IRAK3: variants seen among roughly 807,000 people sequenced by gnomAD.
The protein encoded by IRAK3 is interleukin 1 receptor associated kinase 3.
Under a neutral mutation model 56.6 loss-of-function variants are expected in IRAK3, and 57 were observed. The observed-to-expected ratio is 1.01, with a 90% CI of 0.81 to 1.26. The LOEUF (loss-of-function observed/expected upper bound fraction) is 1.26, where lower values mean the gene tolerates loss of function less well. Ranked by LOEUF, IRAK3 falls within the 50% of genes most tolerant of loss-of-function variation. The probability of loss-of-function intolerance (pLI) is 0.00; values close to 1 mark genes in which losing one functional copy is unlikely to be tolerated. For synonymous variants in IRAK3, 258 were observed against 255.7 expected, an observed-to-expected ratio of 1.01 and a Z score of -0.09; for missense variants, 703 against 719.0, an observed-to-expected ratio of 0.98 and a Z score of 0.25.
At position 66,234,489 on chromosome 12, in the gene IRAK3, C is replaced by T. The variant is rs1027104760; in HGVS notation, c.887+6119C>T. ...ATACTGTATGGTGAAGGATAAAATC[C>T]GTTTTGTATAGCAGCTGTAGTTGGG... is the stretch of plus-strand genomic sequence containing the variant. On this transcript the variant is annotated intron_variant, in intron 8 of 11. Coordinates refer to ENST00000261233, the MANE Select transcript of IRAK3 (RefSeq NM_007199.3). The T allele has an allele frequency of 1.9e-6, 3 of 1,611,568 alleles. No individual in the cohort carries two copies. The African/African-American group carries it at 4.0e-5, about 22-fold the overall frequency.
At position 66,226,523 on chromosome 12, in the gene IRAK3, T is replaced by C. The variant is rs563763338; in HGVS notation, c.654-200T>C. 2.0e-5 allele frequency among the ~76,000 whole-genome samples: 3 copies of C among 152,324 alleles called. No homozygotes were observed. In the South Asian group the frequency reaches 6.2e-4, roughly 32 times the overall value. On this transcript the variant is annotated intron_variant, in intron 6 of 11. Coordinates refer to ENST00000261233, the MANE Select transcript of IRAK3 (RefSeq NM_007199.3). ...TCCCACATTGCTGGGATTACAGGTT[T>C]GAGCCACTGCACCTGGCCGTTAGAA...
At chr12:66,233,659 G>GA (rs369258623) in intron 8 of IRAK3, among the ~76,000 whole-genome samples, 1,960 of 147,062 alleles carry the variant, frequency 0.013, 24 homozygotes, top group African/African-American at 0.041. Context: ...CATACAGCTG[G>GA]AAAAAAAAAA....
intron 8 of IRAK3, among the ~76,000 whole-genome samples, chr12:66,243,172 G>A (rs1392937690): frequency 6.6e-6 from 1 of 151,926 alleles, no homozygotes; most frequent in Non-Finnish European, 1.5e-5. Flanking sequence ...TTCATACATT[G>A]AACTGTTTCC....
At chr12:66,209,048 G>C (rs1457014481) in intron 2 of IRAK3, among the ~76,000 whole-genome samples, 1 of 149,580 alleles carries the variant, frequency 6.7e-6, no homozygotes, top group East Asian at 1.9e-4. Context: ...ACTACAGCCT[G>C]GGCGAGAGTG....
At position 66,250,414 on chromosome 12, in the gene IRAK3, A is replaced by C. The variant is rs535750518; in HGVS notation, c.*2243A>C. On this transcript the variant is annotated 3_prime_UTR_variant, in exon 12 of 12. Transcript: ENST00000261233. The stretch of plus-strand genomic sequence containing the variant: ...AGGGTGAGATTAACAGACCAAGGTC[A>C]GAAACATGGAGTTACAATTTTCCAA... 1 of 152,380 alleles carries C rather than the reference A, an allele frequency of 6.6e-6. No homozygotes were observed. Among genetic ancestry groups the C allele is most frequent in the South Asian group, 2.1e-4 (1 of 4,832 alleles). The allele number at this position is 152,380 out of a possible 1,614,324, so 9.4% of individuals were successfully genotyped here.
chr12:66,241,266 A>G (rs541914694), intron 8 of IRAK3, among the ~76,000 whole-genome samples: 1 of 152,316 alleles, frequency 6.6e-6, no homozygotes, highest in South Asian at 2.1e-4. Flanking sequence ...GCCTTGTGAT[A>G]AAGAGTAGAA....
intron 1 of IRAK3, among the ~76,000 whole-genome samples, chr12:66,203,077 G>A (rs2052524773): frequency 6.6e-6 from 1 of 152,084 alleles, no homozygotes; most frequent in Admixed American, 6.6e-5. Flanking sequence ...AGCAAATATT[G>A]TAGTAATAAT....
At position 66,228,180 on chromosome 12, in the gene IRAK3, G is replaced by A. The variant is rs548952710; in HGVS notation, c.769-72G>A. On this transcript the variant is annotated intron_variant, in intron 7 of 11. Coordinates refer to ENST00000261233, the MANE Select transcript of IRAK3 (RefSeq NM_007199.3). ...GCTATCTACTTCTATTCTGGTGTATGTCTGCATAATGAATACATAGGTAGT... is the reference window on the plus strand; with the variant it reads ...GCTATCTACTTCTATTCTGGTGTATATCTGCATAATGAATACATAGGTAGT... 1.1e-5 allele frequency: 12 copies of A among 1,045,318 alleles called. No individual in the cohort carries two copies. In the African/African-American group the frequency reaches 1.7e-4, roughly 15 times the overall value. The allele number at this position is 1,045,318 out of a possible 1,614,324, so 64.8% of individuals were successfully genotyped here. A position where few individuals can be genotyped will look rare whatever the true frequency, so the allele number is the denominator to read the frequency against.
intron 8 of IRAK3, among the ~76,000 whole-genome samples, chr12:66,236,257 T>C (rs1435616881): frequency 1.3e-5 from 2 of 151,836 alleles, no homozygotes; most frequent in Non-Finnish European, 2.9e-5. Flanking sequence ...CCACCAGAAA[T>C]CTGGGTTCAG....
At chr12:66,204,780 A>G (rs73125367) in intron 2 of IRAK3, among the ~76,000 whole-genome samples, 8,623 of 39,356 alleles carry the variant, frequency 0.22, 571 homozygotes, top group African/African-American at 0.5. Flanking sequence ...GCCCTTGCGC[A>G]CACACACACA....
At chr12:66,221,106 A>G (rs2052728883) in intron 6 of IRAK3, among the ~76,000 whole-genome samples, 1 of 152,086 alleles carries the variant, frequency 6.6e-6, no homozygotes, top group Admixed American at 6.5e-5. Flanking sequence ...ATTTATTCCT[A>G]AGTGTTTTAT....
intron 1 of IRAK3, among the ~76,000 whole-genome samples, chr12:66,191,098 CAG>C (rs771824906): frequency 4.1e-4 from 63 of 152,114 alleles, no homozygotes; most frequent in Non-Finnish European, 7.5e-4. Context: ...CAAAAGCAGA[CAG>C]AGGATGGAGG....
Position 66,247,755 on chromosome 12 carries a change from T to A in IRAK3, c.1375T>A (p.Ser459Thr). The part of the protein sequence containing the change: ...SLYFAEDPPT[S>T]LKSFRCPSPL... ...GTATTTTGCTGAAGATCCTCCCACATCACTAAAGTCCTTCAGGTGTCCTTC... is the reference window on the plus strand; with the variant it reads ...GTATTTTGCTGAAGATCCTCCCACAACACTAAAGTCCTTCAGGTGTCCTTC... Residue 459 changes from serine to threonine, a missense_variant, in exon 12 of 12, where the codon TCA becomes ACA. By Grantham distance (58) the Ser-to-Thr change is moderately conservative. Coordinates refer to ENST00000261233, the MANE Select transcript of IRAK3 (RefSeq NM_007199.3). 1 of 1,614,198 alleles carries A rather than the reference T, an allele frequency of 6.2e-7. No homozygotes were observed. The highest frequency in any genetic ancestry group is 8.5e-7 in the Non-Finnish European group (1 of 1,180,006).
chr12:66,229,666 A>G (rs1036446380), intron 8 of IRAK3, among the ~76,000 whole-genome samples: 2 of 152,062 alleles, frequency 1.3e-5, no homozygotes, highest in African/African-American at 4.8e-5. Context: ...ATTAATGCAC[A>G]CTCATGGGAC....
Position 66,244,677 on chromosome 12 carries a change from T to G in IRAK3, c.1079T>G (p.Phe360Cys), listed in dbSNP as rs752218731. Residue 360 changes from phenylalanine (F) to cysteine (C), a missense_variant, in exon 9 of 12, where the codon TTT becomes TGT. Coordinates refer to ENST00000261233, the MANE Select transcript of IRAK3 (RefSeq NM_007199.3). ...TCCATTAAAACAGATGTCTACAGCT[T>G]TGGAATTGTGAGTACCAACTGCCAG... ...KLSIKTDVYS[F>C]GIVIMEVLTG... The G allele has an allele frequency of 1.2e-6, 2 of 1,613,100 alleles. No homozygotes were observed. The highest frequency in any genetic ancestry group is 1.7e-6 in the Non-Finnish European group (2 of 1,179,052).
At chr12:66,217,816 A>AT (rs922335803) in intron 6 of IRAK3, among the ~76,000 whole-genome samples, 10 of 151,658 alleles carry the variant, frequency 6.6e-5, no homozygotes, top group Admixed American at 3.3e-4. Context: ...ACTTTTTCAG[A>AT]TTTTTTTTTA....
At chr12:66,214,277 A>G (rs1404711291) in intron 5 of IRAK3, among the ~76,000 whole-genome samples, 2 of 152,028 alleles carry the variant, frequency 1.3e-5, no homozygotes, top group Non-Finnish European at 2.9e-5. Context: ...TAATCCCAGC[A>G]CTTTGGGAGG....
chr12:66,202,839 AAG>A (rs2052522453), intron 1 of IRAK3, among the ~76,000 whole-genome samples: 1 of 151,864 alleles, frequency 6.6e-6, no homozygotes, highest in Non-Finnish European at 1.5e-5. Flanking sequence ...GAAAAAAAAA[AAG>A]AACACAAGAG....
chr12:66,198,296 T>A (rs545958912), intron 1 of IRAK3: 1 of 163,894 alleles, frequency 6.1e-6, no homozygotes, highest in South Asian at 2.0e-4. Flanking sequence ...TTTCTGCAGA[T>A]ACAAGGTAAC....
Sources: gnomAD v4.1 joint callset for allele counts (sites outside exome capture counted in the v4.1 genomes callset) on GRCh38, gnomAD v4.1.1 for gene constraint, MANE v1.5 for transcripts, NCBI Gene and HGNC (gene_info 2026-07-23, HGNC 2026-07-21) for gene names.